Variants in TOX2 observed in about 807,000 individuals in gnomAD.
TOX2 encodes the protein TOX high mobility group box family member 2.
Under a neutral mutation model 47.4 loss-of-function variants are expected in TOX2, and 15 were observed. The ratio of observed to expected loss-of-function variants is 0.32; its 90% CI spans 0.21 to 0.49. The LOEUF is 0.49. TOX2 is among the 20% of genes least tolerant of loss of function. TOX2 has a pLI of 0.99. For missense variants in TOX2, 622 were observed against 673.1 expected (o/e 0.92, Z 0.84); for synonymous variants, 290 against 296.6 (o/e 0.98, Z 0.23).
At position 44,053,584 on chromosome 20, in the gene TOX2, CT is replaced by C. The variant is rs1274255345; in HGVS notation, c.652-714del. Among the ~76,000 whole-genome samples the C allele has an allele frequency of 7.9e-4, 98 of 124,010 alleles. 1 individual carries two copies. Among genetic ancestry groups the C allele is most frequent in the African/African-American group, 1.9e-3 (60 of 31,954 alleles). 81.4% of individuals were successfully genotyped at this position (124,010 alleles called of 152,430 possible). On this transcript the variant is annotated intron_variant, in intron 4 of 8. Transcript: ENST00000341197. The stretch of plus-strand genomic sequence containing the variant: ...CTATATATACACACACATATATATA[CT>C]ATATATACACACACATATATATACA...
At chr20:43,956,056 A>G (rs66509462) in intron 1 of TOX2, among the ~76,000 whole-genome samples, 13,883 of 152,234 alleles carry the variant, frequency 0.091, 887 homozygotes, top group African/African-American at 0.17. Context: ...AGGCTTTGGC[A>G]AATGCTGTTC....
chr20:43,915,426 C>T lies in TOX2; in HGVS notation c.99+436C>T, dbSNP rs1375445064. On this transcript the variant is annotated intron_variant, in intron 1 of 8. Transcript: ENST00000341197. This position sits in a 1 kb window ranked among gnomAD's most constrained non-coding sequence, Gnocchi z 7.1. ...CCCACAGACGCTCCGATGCCCCACACACCGTGACATGCCCCCACCCGCTGT... is the reference window on the plus strand; with the variant it reads ...CCCACAGACGCTCCGATGCCCCACATACCGTGACATGCCCCCACCCGCTGT... Among the ~76,000 whole-genome samples the T allele has an allele frequency of 6.6e-6, 1 of 152,196 alleles. No individual in the cohort carries two copies. Among genetic ancestry groups the T allele is most frequent in the Non-Finnish European group, 1.5e-5 (1 of 68,036 alleles).
intron 3 of TOX2, among the ~76,000 whole-genome samples, chr20:44,022,065 T>C (rs2070984426): frequency 6.6e-6 from 1 of 152,190 alleles, no homozygotes; most frequent in Non-Finnish European, 1.5e-5. Context: ...CACCCACACA[T>C]GCGTCCACAG....
chr20:43,944,617 C>T (rs2069441847), intron 1 of TOX2, among the ~76,000 whole-genome samples: 1 of 152,198 alleles, frequency 6.6e-6, no homozygotes, highest in African/African-American at 2.4e-5. Context: ...ATTTGCTATT[C>T]CCAGGCCGTT....
intron 3 of TOX2, among the ~76,000 whole-genome samples, chr20:44,027,758 C>T (rs1391306930): frequency 6.6e-6 from 1 of 152,196 alleles, no homozygotes; most frequent in African/African-American, 2.4e-5. Flanking sequence ...GATGAGGAGG[C>T]AGGAATGTTC....
At chr20:43,996,638 C>CT (rs1347093346) in intron 2 of TOX2, among the ~76,000 whole-genome samples, 32 of 151,064 alleles carry the variant, frequency 2.1e-4, no homozygotes, top group Admixed American at 2.0e-3. Flanking sequence ...CATCCGAGGG[C>CT]TTTTTTTTTC....
intron 1 of TOX2, among the ~76,000 whole-genome samples, chr20:43,950,298 G>T (rs543711461): frequency 6.6e-6 from 1 of 152,166 alleles, no homozygotes; most frequent in African/African-American, 2.4e-5. Flanking sequence ...CGGCTCTGAG[G>T]CCCTGCTGAG....
intron 2 of TOX2, among the ~76,000 whole-genome samples, chr20:43,978,018 C>T (rs1372202478): frequency 6.6e-6 from 1 of 152,160 alleles, no homozygotes; most frequent in Non-Finnish European, 1.5e-5. Context: ...TAGCAGCTTC[C>T]TATCAAATGG....
intron 3 of TOX2, among the ~76,000 whole-genome samples, chr20:44,014,197 G>A (rs2070833639): frequency 6.6e-6 from 1 of 150,416 alleles, no homozygotes; most frequent in African/African-American, 2.5e-5. Flanking sequence ...GGTGGCCTAG[G>A]ATCATTCACA....
At position 44,006,724 on chromosome 20, in the gene TOX2, C is replaced by T. The variant is rs1457269992; in HGVS notation, c.343C>T (p.Leu115Phe). Reference protein sequence around the residue: ...LPAYSYQAMDLPAIMVSNMLA... With the variant: ...LPAYSYQAMDFPAIMVSNMLA... ...TGCCTACTCCTATCAGGCCATGGAC[C>T]TCCCAGCCATCATGGTGTCCAACAT... Residue 115 changes from leucine to phenylalanine, a missense_variant, in exon 3 of 9, where the codon CTC becomes TTC. Around this residue, in one of 3 missense-constraint regions of TOX2, gnomAD observed 307 missense variants for 327.3 expected, o/e 0.94. Transcript: ENST00000341197. The T allele has an allele frequency of 2.5e-6, 4 of 1,614,144 alleles. No homozygotes were observed. Among genetic ancestry groups the T allele is most frequent in the Non-Finnish European group, 3.4e-6 (4 of 1,180,048 alleles).
Position 43,915,007 on chromosome 20 carries a change from G to A in TOX2, c.99+17G>A, listed in dbSNP as rs1334791964. ...GGCGGCAAGGTAGGCGGGGGCGGGC[G>A]GGGGTCCCCGGCGGGCGGGGCCGGA... On this transcript the variant is annotated intron_variant, in intron 1 of 8. Transcript: ENST00000341197. The surrounding 1 kb of genome is among the most constrained non-coding windows in gnomAD (Gnocchi z 7.1). The A allele has an allele frequency of 1.6e-6, 2 of 1,232,622 alleles. No individual in the cohort carries two copies. Among genetic ancestry groups the A allele is most frequent in the African/African-American group, 1.6e-5 (1 of 62,772 alleles). 76.4% of individuals were successfully genotyped at this position (1,232,622 alleles called of 1,614,324 possible). A position where few individuals can be genotyped will look rare whatever the true frequency, so the allele number is the denominator to read the frequency against.
chr20:43,987,502 C>A (rs1214757257), intron 2 of TOX2, among the ~76,000 whole-genome samples: 1 of 152,150 alleles, frequency 6.6e-6, no homozygotes, highest in Non-Finnish European at 1.5e-5. Flanking sequence ...GATTTGTGCA[C>A]TTTTCTGTTG....
intron 3 of TOX2, among the ~76,000 whole-genome samples, chr20:44,023,975 C>T (rs985100153): frequency 2.6e-5 from 4 of 152,228 alleles, no homozygotes; most frequent in Admixed American, 2.6e-4. Context: ...CCCGTCCCCT[C>T]TCTGATCCGG....
intron 3 of TOX2, among the ~76,000 whole-genome samples, chr20:44,018,356 G>A (rs1407033592): frequency 6.6e-6 from 1 of 152,164 alleles, no homozygotes; most frequent in Admixed American, 6.5e-5. Flanking sequence ...AGCCTAACAG[G>A]GTATGAACTC....
intron 1 of TOX2, among the ~76,000 whole-genome samples, chr20:43,972,096 C>T (rs758207328): frequency 4.6e-5 from 7 of 152,240 alleles, no homozygotes; most frequent in South Asian, 2.1e-4. Context: ...GCACAGACAT[C>T]TCCCACCTGC....
chr20:44,058,684 C>T (rs898144827), intron 5 of TOX2, among the ~76,000 whole-genome samples: 1 of 152,192 alleles, frequency 6.6e-6, no homozygotes, highest in African/African-American at 2.4e-5. Context: ...TGTTGATATC[C>T]ATGGAGGAGA....
At chr20:43,999,056 G>T (rs1043975623) in intron 2 of TOX2, among the ~76,000 whole-genome samples, 1 of 151,998 alleles carries the variant, frequency 6.6e-6, no homozygotes, top group African/African-American at 2.4e-5. Context: ...CACCATGCTC[G>T]GCTGGTGTCT....
intron 1 of TOX2, among the ~76,000 whole-genome samples, chr20:43,927,337 C>A (rs948517072): frequency 1.4e-4 from 22 of 152,170 alleles, no homozygotes; most frequent in South Asian, 4.1e-4. Flanking sequence ...ACCCTTTCCC[C>A]CATATTCATC....
chr20:43,969,125 G>C (rs1023007571), intron 1 of TOX2, among the ~76,000 whole-genome samples: 12 of 152,232 alleles, frequency 7.9e-5, no homozygotes, highest in African/African-American at 2.9e-4. Flanking sequence ...TGTGTGCCCA[G>C]TTGTATAAAG....
Sources: allele counts gnomAD v4.1 joint callset (sites outside exome capture counted in the v4.1 genomes callset), GRCh38; gene constraint gnomAD v4.1.1; regional missense constraint gnomAD v4.1.1; non-coding constraint Gnocchi (gnomAD v3.1); transcripts MANE v1.5; gene names NCBI Gene and HGNC (gene_info 2026-07-23, HGNC 2026-07-21).